Variants in SH3KBP1 observed in about 807,000 individuals in gnomAD.
The protein encoded by SH3KBP1 is SH3 domain containing kinase binding protein 1.
In SH3KBP1, 8 loss-of-function variants were observed where a neutral mutation model predicts 50.1. That is an observed-to-expected ratio of 0.16 (90% CI 0.09 to 0.29). SH3KBP1 has a LOEUF of 0.29. Among genes scored for constraint, SH3KBP1 ranks in the 10% least tolerant of loss-of-function variants. The pLI is 1.00. For missense variants in SH3KBP1, 377 were observed against 535.2 expected (o/e 0.70, Z 2.92); for synonymous variants, 227 against 218.6 (o/e 1.04, Z -0.34).
chrX:19,816,245 G>A (rs2067351903), intron 2 of SH3KBP1, among the ~76,000 whole-genome samples: 1 of 111,969 alleles, frequency 8.9e-6, no homozygotes. Flanking sequence ...GTTTTAATTT[G>A]CATTCCTCTA....
intron 3 of SH3KBP1, among the ~76,000 whole-genome samples, chrX:19,729,354 T>C (rs1370381316): frequency 3.6e-5 from 4 of 112,459 alleles, no homozygotes; most frequent in Non-Finnish European, 7.5e-5. Flanking sequence ...TGTGAATGGA[T>C]CGATACAGTT....
intron 12 of SH3KBP1, among the ~76,000 whole-genome samples, chrX:19,571,600 T>C (rs1461044155): frequency 8.9e-6 from 1 of 112,190 alleles, no homozygotes; most frequent in Non-Finnish European, 1.9e-5. Flanking sequence ...TCCCCAGATA[T>C]AAAGAAATAC....
At chrX:19,714,866 T>C (rs2063866842) in intron 3 of SH3KBP1, among the ~76,000 whole-genome samples, 1 of 111,902 alleles carries the variant, frequency 8.9e-6, no homozygotes, top group Non-Finnish European at 1.9e-5. Context: ...ATTTCCGGAG[T>C]TGTTAATTCT....
chrX:19,592,856 G>C (rs929508160), intron 10 of SH3KBP1, among the ~76,000 whole-genome samples: 1 of 112,277 alleles, frequency 8.9e-6, no homozygotes, highest in Non-Finnish European at 1.9e-5. Context: ...TTGCCAAGGG[G>C]AGCCAGACAC....
intron 3 of SH3KBP1, among the ~76,000 whole-genome samples, chrX:19,726,761 C>T (rs748051942): frequency 3.2e-4 from 36 of 112,095 alleles, no homozygotes; most frequent in African/African-American, 1.1e-3. Context: ...ATTCTTCCAT[C>T]CTGGTGAGTT....
intron 2 of SH3KBP1, among the ~76,000 whole-genome samples, chrX:19,763,292 G>T (rs2054926194): frequency 8.9e-6 from 1 of 112,395 alleles, no homozygotes; most frequent in Non-Finnish European, 1.9e-5. Context: ...CCAATAGCAT[G>T]GAAGAGAGCT....
chrX:19,593,590 A>T (rs1768689299), intron 10 of SH3KBP1, among the ~76,000 whole-genome samples: 1 of 111,136 alleles, frequency 9.0e-6, no homozygotes, highest in South Asian at 3.9e-4. Context: ...CCCATCATAA[A>T]CTTTGGTAAA....
At position 19,608,480 on chromosome X, in the gene SH3KBP1, G is replaced by A. The variant is rs1248619957; in HGVS notation, c.898-435C>T. 2.8e-5 allele frequency among the ~76,000 whole-genome samples: 3 copies of A among 108,832 alleles called. No homozygotes were observed. The East Asian group carries it at 8.7e-4, about 31-fold the overall frequency. The allele number at this position is 108,832 out of a possible 115,157, so 94.5% of individuals were successfully genotyped here. A position where few individuals can be genotyped will look rare whatever the true frequency, so the allele number is the denominator to read the frequency against. Reference sequence around the variant, plus strand: ...GTGCCACAATGCCTGGCTAATTTTTGTATTTTTTAGTAGAGACGGGGTTTC... The same window carrying A: ...GTGCCACAATGCCTGGCTAATTTTTATATTTTTTAGTAGAGACGGGGTTTC... On this transcript the variant is annotated intron_variant, in intron 8 of 17. Coordinates refer to ENST00000397821, the MANE Select transcript of SH3KBP1 (RefSeq NM_031892.3).
intron 13 of SH3KBP1, among the ~76,000 whole-genome samples, chrX:19,560,137 A>T (rs1366248950): frequency 3.6e-5 from 4 of 109,801 alleles, no homozygotes; most frequent in Non-Finnish European, 7.6e-5. Context: ...AAAAAAAAAA[A>T]TAGTTATGTT....
intron 6 of SH3KBP1, among the ~76,000 whole-genome samples, chrX:19,666,746 C>T (rs1420955756): frequency 9.0e-6 from 1 of 111,472 alleles, no homozygotes; most frequent in East Asian, 2.8e-4. Context: ...GCTGAGACTT[C>T]CACCGAGTGA....
chrX:19,843,032 T>C (rs1183087644), intron 1 of SH3KBP1, among the ~76,000 whole-genome samples: 1 of 94,861 alleles, frequency 1.1e-5, no homozygotes, highest in East Asian at 3.2e-4. Context: ...TTTTTTTTTT[T>C]TTTGAGACGG....
chrX:19,689,559 G>A (rs2063238831), intron 5 of SH3KBP1, among the ~76,000 whole-genome samples: 1 of 111,945 alleles, frequency 8.9e-6, no homozygotes, highest in Non-Finnish European at 1.9e-5. Context: ...TGGCAGCAAG[G>A]CAATTTGAGA....
intron 6 of SH3KBP1, among the ~76,000 whole-genome samples, chrX:19,680,380 CAAAAAAAAAA>C (rs763413288): frequency 2.6e-5 from 1 of 37,784 alleles, no homozygotes; most frequent in African/African-American, 8.6e-5. Context: ...ACTCTTGTTT[CAAAAAAAAAA>C]AAAAAAAAAA....
intron 13 of SH3KBP1, among the ~76,000 whole-genome samples, chrX:19,560,578 C>G: frequency 9.0e-6 from 1 of 111,224 alleles, no homozygotes; most frequent in Non-Finnish European, 1.9e-5. Flanking sequence ...AATGAGACCC[C>G]ATGCACTGCC....
chrX:19,593,806 G>A (rs931607126), intron 10 of SH3KBP1, among the ~76,000 whole-genome samples: 2 of 111,791 alleles, frequency 1.8e-5, no homozygotes, highest in Non-Finnish European at 3.8e-5. Context: ...AAGGCCTACA[G>A]GGAAAGGGGT....
chrX:19,691,399 A>ATATT (rs2063290831), intron 5 of SH3KBP1, among the ~76,000 whole-genome samples: 2 of 100,135 alleles, frequency 2.0e-5, no homozygotes, highest in African/African-American at 7.3e-5. Context: ...ATATATATAT[A>ATATT]TTTTCAGGTT....
chrX:19,620,442 T>C (rs913922819), intron 8 of SH3KBP1, among the ~76,000 whole-genome samples: 1 of 112,573 alleles, frequency 8.9e-6, no homozygotes, highest in Non-Finnish European at 1.9e-5. Flanking sequence ...TAGGAAAACA[T>C]ATTTCTTAGC....
At chrX:19,717,887 C>T (rs1022467331) in intron 3 of SH3KBP1, among the ~76,000 whole-genome samples, 5 of 111,173 alleles carry the variant, frequency 4.5e-5, no homozygotes. Context: ...CCTTAAAAGA[C>T]AGAAAACATT....
At chrX:19,775,463 G>A (rs773949975) in intron 2 of SH3KBP1, among the ~76,000 whole-genome samples, 12 of 111,951 alleles carry the variant, frequency 1.1e-4, no homozygotes, top group Admixed American at 1.9e-4. Context: ...ATCAAGCCTC[G>A]TTCAATGTTT....
Sources: gnomAD v4.1 joint callset for allele counts (sites outside exome capture counted in the v4.1 genomes callset) on GRCh38, gnomAD v4.1.1 for gene constraint, MANE v1.5 for transcripts, NCBI Gene and HGNC (gene_info 2026-07-23, HGNC 2026-07-21) for gene names.